NTM: variants seen among roughly 807,000 people sequenced by gnomAD.
NTM encodes neurotrimin, also known as IgLON family member 2.
NTM carries 13 observed loss-of-function variants against 42.1 expected under a neutral mutation model. That is an observed-to-expected ratio of 0.31 (90% CI 0.20 to 0.49). The LOEUF is 0.49. NTM is among the 20% of genes least tolerant of loss of function. The pLI, the probability that NTM is intolerant of heterozygous loss-of-function variation, is 0.99. For missense variants in NTM, 373 were observed against 452.8 expected, an observed-to-expected ratio of 0.82 and a Z score of 1.60; for synonymous variants, 187 against 179.2, an observed-to-expected ratio of 1.04 and a Z score of -0.35.
At position 132,145,193 on chromosome 11, in the gene NTM, C is replaced by T. The variant is rs2070111879; in HGVS notation, c.168-1089C>T. On this transcript the variant is annotated intron_variant, in intron 2 of 8. Coordinates refer to ENST00000683400, the MANE Select transcript of NTM (RefSeq NM_001352005.2). ...TCTAGCTCTCATTCCTTGGACAAGT[C>T]ATCAGGCTATTCAGAACCCTAGTGT... 2.0e-5 allele frequency among the ~76,000 whole-genome samples: 3 copies of T among 152,320 alleles called. No homozygotes were observed. The South Asian group carries it at 6.2e-4, about 32-fold the overall frequency.
At chr11:131,759,808 C>T (rs149755884) in intron 1 of NTM, among the ~76,000 whole-genome samples, 3 of 151,896 alleles carry the variant, frequency 2.0e-5, no homozygotes, top group African/African-American at 7.3e-5. Flanking sequence ...AGCCAGAATC[C>T]ATTGAAATCT....
intron 1 of NTM, among the ~76,000 whole-genome samples, chr11:131,525,643 T>C (rs2050371108): frequency 6.6e-6 from 1 of 152,234 alleles, no homozygotes; most frequent in Non-Finnish European, 1.5e-5. Flanking sequence ...GTCATCCGAC[T>C]ACACTGCTTT....
In NTM at chr11:132,070,494, G is replaced by A. The variant is rs562465982; in HGVS notation, c.168-75788G>A. Among the ~76,000 whole-genome samples the A allele has an allele frequency of 6.1e-3, 567 of 92,712 alleles. 49 individuals are homozygous for A. The highest frequency in any genetic ancestry group is 0.022 in the African/African-American group (492 of 21,890). 60.8% of individuals were successfully genotyped at this position (92,712 alleles called of 152,430 possible). On this transcript the variant is annotated intron_variant, in intron 2 of 8. Transcript: ENST00000683400. ...GCCAAGTTAACACGTCAAACTGACCGTCACAGGTTAGTTAACACGTCACAC... is the reference window on the plus strand; with the variant it reads ...GCCAAGTTAACACGTCAAACTGACCATCACAGGTTAGTTAACACGTCACAC...
At chr11:132,170,351 G>A (rs142133193) in intron 3 of NTM, among the ~76,000 whole-genome samples, 80 of 152,250 alleles carry the variant, frequency 5.3e-4, no homozygotes, top group African/African-American at 1.9e-3. Flanking sequence ...CAGCTAGGGA[G>A]TATCTACCAT....
At chr11:131,788,481 T>C (rs183901583) in intron 1 of NTM, among the ~76,000 whole-genome samples, 2 of 152,224 alleles carry the variant, frequency 1.3e-5, no homozygotes, top group African/African-American at 4.8e-5. Context: ...TTTGACTGAG[T>C]CATTGGTAGA....
intron 1 of NTM, among the ~76,000 whole-genome samples, chr11:131,781,045 A>G (rs550183440): frequency 3.3e-5 from 5 of 152,170 alleles, no homozygotes; most frequent in Non-Finnish European, 7.4e-5. Flanking sequence ...TATCTTGTAC[A>G]TAATTTTCAT....
At chr11:131,381,884 C>T (rs1402267676) in intron 1 of NTM, among the ~76,000 whole-genome samples, 2 of 152,304 alleles carry the variant, frequency 1.3e-5, no homozygotes, top group East Asian at 3.9e-4. Context: ...GCAAGTTCAT[C>T]TCTATTCCAA....
chr11:132,299,261 C>A (rs2094745456), intron 4 of NTM, among the ~76,000 whole-genome samples: 1 of 152,202 alleles, frequency 6.6e-6, no homozygotes, highest in South Asian at 2.1e-4. Context: ...CGCCACTGCA[C>A]TCCAGCCTGG....
chr11:131,590,615 G>A (rs1312514606), intron 1 of NTM, among the ~76,000 whole-genome samples: 1 of 152,228 alleles, frequency 6.6e-6, no homozygotes, highest in Non-Finnish European at 1.5e-5. Flanking sequence ...GCATTTACAA[G>A]TTATTATAAC....
At chr11:131,781,981 A>G (rs2088229435) in intron 1 of NTM, among the ~76,000 whole-genome samples, 1 of 152,212 alleles carries the variant, frequency 6.6e-6, no homozygotes, top group Admixed American at 6.5e-5. Context: ...TGCACACAGC[A>G]TGGTGGAGGA....
chr11:131,442,678 C>T (rs2135986187), intron 1 of NTM, among the ~76,000 whole-genome samples: 1 of 152,288 alleles, frequency 6.6e-6, no homozygotes, highest in Non-Finnish European at 1.5e-5. Context: ...CAGCATTTGA[C>T]TTTCTGTTTC....
rs1555127950 is a variant in NTM at position 131,789,636 on chromosome 11, A to AAGAAGAAAGAAGAAGAAG, written c.83-121927_83-121926insGAAGAAAGAAGAAGAAGA. The stretch of plus-strand genomic sequence containing the variant: ...AAGAAGAAGAAGAAGAAGAAGAAGA[A>AAGAAGAAAGAAGAAGAAG]AAGAAGAAGAAGAAGAAGAAGAAGA... On this transcript the variant is annotated intron_variant, in intron 1 of 8. Coordinates refer to ENST00000683400, the MANE Select transcript of NTM (RefSeq NM_001352005.2). Among the ~76,000 whole-genome samples, 3 of 30,900 alleles carry AAGAAGAAAGAAGAAGAAG rather than the reference A, an allele frequency of 9.7e-5. 1 individual carries two copies. Among genetic ancestry groups the AAGAAGAAAGAAGAAGAAG allele is most frequent in the African/African-American group, 3.6e-4 (3 of 8,276 alleles). 20.3% of individuals were successfully genotyped at this position (30,900 alleles called of 152,430 possible).
chr11:132,223,086 T>C (rs950274037), intron 4 of NTM, among the ~76,000 whole-genome samples: 2 of 152,242 alleles, frequency 1.3e-5, no homozygotes, highest in African/African-American at 4.8e-5. Flanking sequence ...GAAAATGGTA[T>C]GGATTTTGTC....
chr11:131,700,400 C>A (rs2075954539), intron 1 of NTM, among the ~76,000 whole-genome samples: 1 of 152,182 alleles, frequency 6.6e-6, no homozygotes, highest in Non-Finnish European at 1.5e-5. Context: ...ATCCCCCTTT[C>A]TCCCATAGTT....
At chr11:131,624,728 C>T (rs562229759) in intron 1 of NTM, among the ~76,000 whole-genome samples, 12 of 152,338 alleles carry the variant, frequency 7.9e-5, no homozygotes, top group African/African-American at 2.9e-4. Context: ...ACGCTAATCA[C>T]GGAGGAATCC....
At chr11:132,022,605 C>T (rs2074521180) in intron 2 of NTM, among the ~76,000 whole-genome samples, 1 of 152,182 alleles carries the variant, frequency 6.6e-6, no homozygotes, top group Admixed American at 6.5e-5. Flanking sequence ...AAGTAAATTA[C>T]AAGTTCATGT....
chr11:131,836,218 T>A (rs2043472732), intron 1 of NTM, among the ~76,000 whole-genome samples: 1 of 152,084 alleles, frequency 6.6e-6, no homozygotes, highest in Admixed American at 6.6e-5. Context: ...AAACTTTTCT[T>A]AAAATTAAGT....
At chr11:131,940,778 G>A (rs1323506487) in intron 2 of NTM, among the ~76,000 whole-genome samples, 1 of 152,176 alleles carries the variant, frequency 6.6e-6, no homozygotes, top group Non-Finnish European at 1.5e-5. Flanking sequence ...AGTGCAGAAG[G>A]GGATTTGTCA....
At chr11:131,639,445 C>T (rs913055568) in intron 1 of NTM, among the ~76,000 whole-genome samples, 1 of 152,030 alleles carries the variant, frequency 6.6e-6, no homozygotes, top group Non-Finnish European at 1.5e-5. Flanking sequence ...TCTTAGAAAA[C>T]TAAAAAAATT....
Sources: gnomAD v4.1 joint callset for allele counts (sites outside exome capture counted in the v4.1 genomes callset) on GRCh38, gnomAD v4.1.1 for gene constraint, MANE v1.5 for transcripts, NCBI Gene and HGNC (gene_info 2026-07-23, HGNC 2026-07-21) for gene names.